Variants in CDH13 observed in about 807,000 individuals in gnomAD.
The protein encoded by CDH13 is cadherin 13.
A neutral mutation model predicts 63.8 loss-of-function variants in CDH13; 24 were observed. The ratio of observed to expected loss-of-function variants is 0.38; its 90% confidence interval spans 0.27 to 0.53. CDH13 has a LOEUF of 0.53. Ranked by LOEUF, CDH13 falls within the 20% of genes least tolerant of loss-of-function variation. The pLI, the probability that CDH13 is intolerant of heterozygous loss-of-function variation, is 0.85. For missense variants in CDH13, 1,049 were observed against 903.1 expected (o/e 1.16, Z -2.07); for synonymous variants, 503 against 355.3 (o/e 1.42, Z -4.67).
intron 2 of CDH13, among the ~76,000 whole-genome samples, chr16:82,943,182 A>G (rs1386047084): frequency 6.6e-6 from 1 of 152,158 alleles, no homozygotes; most frequent in African/African-American, 2.4e-5. Context: ...CTGAGCTTCC[A>G]TTCTTCCATT....
intron 5 of CDH13, among the ~76,000 whole-genome samples, chr16:83,325,711 C>G (rs185388607): frequency 8.5e-5 from 13 of 152,242 alleles, no homozygotes; most frequent in Admixed American, 8.5e-4. Flanking sequence ...TCCCCAGAAT[C>G]CCATATTTCC....
chr16:83,426,194 C>T (rs931381239), intron 6 of CDH13, among the ~76,000 whole-genome samples: 1 of 152,120 alleles, frequency 6.6e-6, no homozygotes, highest in African/African-American at 2.4e-5. Flanking sequence ...ATGTTCACTC[C>T]TCCCAGCCTC....
chr16:83,186,964 T>G (rs894354906), intron 4 of CDH13, among the ~76,000 whole-genome samples: 8 of 148,800 alleles, frequency 5.4e-5, no homozygotes, highest in African/African-American at 2.1e-4. Flanking sequence ...TAAAATTTAT[T>G]TTTTATTACT....
intron 6 of CDH13, among the ~76,000 whole-genome samples, chr16:83,440,847 C>G (rs2072460596): frequency 6.6e-6 from 1 of 151,330 alleles, no homozygotes; most frequent in Non-Finnish European, 1.5e-5. Flanking sequence ...GAACTACCAC[C>G]TGGCCTTTCT....
At chr16:83,328,195 G>C (rs2090408410) in intron 5 of CDH13, among the ~76,000 whole-genome samples, 1 of 151,980 alleles carries the variant, frequency 6.6e-6, no homozygotes, top group Admixed American at 6.6e-5. Flanking sequence ...AAGATGTTGA[G>C]CTAGGGTTGT....
chr16:83,226,497 G>T (rs767138379), intron 5 of CDH13, among the ~76,000 whole-genome samples: 1 of 152,176 alleles, frequency 6.6e-6, no homozygotes, highest in Non-Finnish European at 1.5e-5. Flanking sequence ...CTTTGCACCT[G>T]TGGCACCTGG....
At chr16:82,636,527 C>T (rs1908676067) in intron 1 of CDH13, among the ~76,000 whole-genome samples, 1 of 152,216 alleles carries the variant, frequency 6.6e-6, no homozygotes, top group African/African-American at 2.4e-5. Context: ...GTTTCTTGAA[C>T]ATTCAATCAG....
At chr16:83,310,931 C>G (rs990246079) in intron 5 of CDH13, among the ~76,000 whole-genome samples, 2 of 152,158 alleles carry the variant, frequency 1.3e-5, no homozygotes, top group Admixed American at 1.3e-4. Context: ...CTGTTTTCAC[C>G]CAATCCACCT....
intron 7 of CDH13, among the ~76,000 whole-genome samples, chr16:83,559,935 T>C (rs142675570): frequency 1.8e-3 from 277 of 152,258 alleles, no homozygotes; most frequent in African/African-American, 6.3e-3. Context: ...GATCAAACAG[T>C]TGGCCAATAT....
At chr16:83,292,159 T>C (rs556120940) in intron 5 of CDH13, among the ~76,000 whole-genome samples, 1 of 152,328 alleles carries the variant, frequency 6.6e-6, no homozygotes, top group African/African-American at 2.4e-5. Context: ...CTTTAACAAC[T>C]TGGTATCTGT....
At chr16:83,545,498 A>G (rs933449819) in intron 7 of CDH13, among the ~76,000 whole-genome samples, 8 of 152,182 alleles carry the variant, frequency 5.3e-5, no homozygotes, top group African/African-American at 1.7e-4. Flanking sequence ...CTGTCCAGAG[A>G]GGGGAAAGTC....
chr16:82,699,425 C>T (rs2030718628), intron 1 of CDH13, among the ~76,000 whole-genome samples: 2 of 152,294 alleles, frequency 1.3e-5, no homozygotes, highest in South Asian at 2.1e-4. Flanking sequence ...TTCAACCCAG[C>T]CCAGACTGAG....
At chr16:83,437,233 C>A (rs1407677862) in intron 6 of CDH13, among the ~76,000 whole-genome samples, 1 of 152,214 alleles carries the variant, frequency 6.6e-6, no homozygotes, top group Admixed American at 6.5e-5. Context: ...GTTACTTGAC[C>A]TCTCTGTGTC....
In CDH13 at chr16:83,783,304, A is replaced by C. The variant is rs776340383; in HGVS notation, c.1966A>C (p.Asn656His). The C allele has an allele frequency of 6.2e-7, 1 of 1,613,962 alleles. No individual in the cohort carries two copies. Among genetic ancestry groups the C allele is most frequent in the African/African-American group, 1.3e-5 (1 of 75,040 alleles). Residue 656 changes from asparagine to histidine, a missense_variant, in exon 13 of 14, where the codon AAC (asparagine) becomes CAC (histidine). By Grantham distance (68) the Asn-to-His change is moderately conservative. Coordinates refer to ENST00000567109, the MANE Select transcript of CDH13 (RefSeq NM_001257.5). ...TCAAAATCTGAACAAAGCAAACTAC[A>C]ACCTGCCCATCATGGTGACAGATTC... The part of the protein sequence containing the change: ...LLQNLNKANY[N>H]LPIMVTDSGK...
intron 9 of CDH13, among the ~76,000 whole-genome samples, chr16:83,671,302 G>C (rs1032053810): frequency 2.6e-5 from 4 of 152,172 alleles, no homozygotes; most frequent in Admixed American, 6.5e-5. Context: ...AGGCTGGGGT[G>C]CAGTGGTGTG....
rs577321893 is a variant in CDH13 at position 82,718,566 on chromosome 16, C to T, written c.45+91429C>T. Among the ~76,000 whole-genome samples the T allele has an allele frequency of 5.3e-5, 8 of 152,258 alleles. No homozygotes were observed. The South Asian group carries it at 6.2e-4, about 12-fold the overall frequency. On this transcript the variant is annotated intron_variant, in intron 1 of 13. Transcript: ENST00000567109. ...GTAGTGTTGTATTAGTCCATTTTCA[C>T]GCTGCTGATAAAGATATATCTAAGA... is the stretch of plus-strand genomic sequence containing the variant.
At position 82,845,526 on chromosome 16, in the gene CDH13, C is replaced by G. The variant is rs115284374; in HGVS notation, c.46-12836C>G. ...CAGCATCATCCTCTATTGGGCTGAC[C>G]CCTCAGATGACAGACCTATTCATTT... is the stretch of plus-strand genomic sequence containing the variant. On this transcript the variant is annotated intron_variant, in intron 1 of 13. Transcript: ENST00000567109. 3.3e-3 allele frequency among the ~76,000 whole-genome samples: 501 copies of G among 152,244 alleles called. 2 individuals are homozygous for G. Among genetic ancestry groups the G allele is most frequent in the African/African-American group, 0.012 (484 of 41,544 alleles).
intron 2 of CDH13, among the ~76,000 whole-genome samples, chr16:82,914,299 T>A (rs1403276378): frequency 6.6e-6 from 1 of 152,184 alleles, no homozygotes; most frequent in Non-Finnish European, 1.5e-5. Flanking sequence ...CTGTGTGTCC[T>A]ATAAACTATC....
intron 2 of CDH13, among the ~76,000 whole-genome samples, chr16:83,025,609 A>G (rs1417911076): frequency 6.6e-6 from 1 of 152,100 alleles, no homozygotes; most frequent in African/African-American, 2.4e-5. Flanking sequence ...TCAAGATGAG[A>G]TTTTGGTGGG....
Sources: allele counts gnomAD v4.1 joint callset (sites outside exome capture counted in the v4.1 genomes callset), GRCh38; gene constraint gnomAD v4.1.1; transcripts MANE v1.5; gene names NCBI Gene and HGNC (gene_info 2026-07-23, HGNC 2026-07-21).